Variants in NFASC observed in about 807,000 individuals in gnomAD.
NFASC encodes the protein neurofascin homolog.
NFASC carries 43 observed loss-of-function variants against 147.5 expected under a neutral mutation model. The observed-to-expected ratio is 0.29, with a 90% confidence interval of 0.23 to 0.38. The LOEUF (loss-of-function observed/expected upper bound fraction) is 0.38, where lower values mean the gene tolerates loss of function less well. Among genes scored for constraint, NFASC ranks in the 10% least tolerant of loss-of-function variants. NFASC has a pLI of 1.00. For synonymous variants in NFASC, 622 were observed against 665.5 expected, an observed-to-expected ratio of 0.93 and a Z score of 1.01; for missense variants, 1,320 against 1,689.0, an observed-to-expected ratio of 0.78 and a Z score of 3.83.
chr1:204,828,853 T>C (rs922577848), intron 1 of NFASC, 71 bp downstream of exon 1: 11 of 957,756 alleles, frequency 1.1e-5, no homozygotes, highest in Admixed American at 6.1e-5. Context: ...CACCCCCTTG[T>C]TCCCGCCCTC....
chr1:204,881,609 G>A (rs978221932), intron 1 of NFASC, among the ~76,000 whole-genome samples: 11 of 152,096 alleles, frequency 7.2e-5, no homozygotes, highest in African/African-American at 2.2e-4. Flanking sequence ...AAGCCCTGCC[G>A]TCAATGAGCT....
chr1:204,838,616 G>A (rs1461994254), intron 1 of NFASC, among the ~76,000 whole-genome samples: 1 of 152,208 alleles, frequency 6.6e-6, no homozygotes, highest in African/African-American at 2.4e-5. Flanking sequence ...GCGATGTAGT[G>A]TTTATGGCCC....
intron 1 of NFASC, among the ~76,000 whole-genome samples, chr1:204,845,665 G>A (rs529675434): frequency 1.3e-5 from 2 of 152,198 alleles, no homozygotes; most frequent in Non-Finnish European, 2.9e-5. Flanking sequence ...ACTTTGGGAG[G>A]ACCAGTCAGG....
chr1:204,944,472 G>GGGC, intron 3 of NFASC, 66 bp downstream of exon 3: 9 of 402,562 alleles, frequency 2.2e-5, no homozygotes, highest in Admixed American at 3.4e-5. Flanking sequence ...GGAGGGGAGG[G>GGGC]AAGGTCAGAG....
Position 204,977,569 on chromosome 1 carries a change from C to T in NFASC, c.1832-112C>T, listed in dbSNP as rs1030215372. 19 of 900,794 alleles carry T rather than the reference C, an allele frequency of 2.1e-5. No individual in the cohort carries two copies. The African/African-American group carries it at 2.6e-4, about 12-fold the overall frequency. 55.8% of individuals were successfully genotyped at this position (900,794 alleles called of 1,614,324 possible). On this transcript the variant is annotated intron_variant, in intron 16 of 29. Coordinates refer to ENST00000339876, the MANE Select transcript of NFASC (RefSeq NM_001005388.3). ...AGGACGGGGACAGCCCTGCCTAGAA[C>T]ACCTCAGCCCAGAGGCAGCTGTTTA... is the stretch of plus-strand genomic sequence containing the variant.
chr1:204,978,527 C>A (rs1052944666), intron 17 of NFASC, among the ~76,000 whole-genome samples: 3 of 152,186 alleles, frequency 2.0e-5, no homozygotes, highest in African/African-American at 7.2e-5. Flanking sequence ...CCCATCTCCT[C>A]AGAGCCTTGG....
rs2094930745 is a variant in NFASC, at chr1:204,966,039, T to G, written c.707-2210T>G. Among the ~76,000 whole-genome samples, 2 of 152,256 alleles carry G rather than the reference T, an allele frequency of 1.3e-5. 1 individual carries two copies. Among genetic ancestry groups the G allele is most frequent in the South Asian group, 4.1e-4 (2 of 4,838 alleles). Reference sequence around the variant, plus strand: ...TGCATGGTCCCTAGCAAACGTTCACTGAATGGTGGCCCTGATTATGACCTC... The same window carrying G: ...TGCATGGTCCCTAGCAAACGTTCACGGAATGGTGGCCCTGATTATGACCTC... On this transcript the variant is annotated intron_variant, in intron 8 of 29. Coordinates refer to ENST00000339876, the MANE Select transcript of NFASC (RefSeq NM_001005388.3).
intron 1 of NFASC, among the ~76,000 whole-genome samples, chr1:204,902,084 A>G (rs1369264922): frequency 6.6e-6 from 1 of 152,214 alleles, no homozygotes; most frequent in Non-Finnish European, 1.5e-5. Context: ...GCCTGAGCCT[A>G]GGAATTCGAG....
intron 24 of NFASC, among the ~76,000 whole-genome samples, chr1:204,993,192 C>T (rs1048962031): frequency 6.6e-6 from 1 of 152,208 alleles, no homozygotes; most frequent in Non-Finnish European, 1.5e-5. Flanking sequence ...CCAAACTGCC[C>T]TGTTCATCTC....
At chr1:204,923,798 A>T (rs1468966167) in intron 2 of NFASC, among the ~76,000 whole-genome samples, 2 of 152,106 alleles carry the variant, frequency 1.3e-5, no homozygotes, top group Non-Finnish European at 2.9e-5. Context: ...AGTGTGGGGT[A>T]CATGAGTGTC....
intron 2 of NFASC, among the ~76,000 whole-genome samples, chr1:204,939,050 G>A (rs987452384): frequency 1.5e-4 from 22 of 150,112 alleles, no homozygotes; most frequent in African/African-American, 2.7e-4. Context: ...GTGTGTGTGT[G>A]TGTGTGTGTG....
chr1:204,858,978 CTTTT>C (rs56763796), intron 1 of NFASC, among the ~76,000 whole-genome samples: 1 of 139,568 alleles, frequency 7.2e-6, no homozygotes, highest in Non-Finnish European at 1.5e-5. Flanking sequence ...AATGCACTGA[CTTTT>C]TTTTTTTTTT....
chr1:204,932,700 C>G (rs1000699599), intron 2 of NFASC, among the ~76,000 whole-genome samples: 1 of 152,174 alleles, frequency 6.6e-6, no homozygotes, highest in African/African-American at 2.4e-5. Flanking sequence ...AGGTAAAGTT[C>G]AGTAGTCGTG....
intron 24 of NFASC, among the ~76,000 whole-genome samples, chr1:204,995,093 C>T (rs1052451363): frequency 6.6e-6 from 1 of 152,142 alleles, no homozygotes; most frequent in Non-Finnish European, 1.5e-5. Flanking sequence ...ACACTCCAGC[C>T]TGGGTGACAG....
At chr1:204,879,304 G>A (rs1333752001) in intron 1 of NFASC, among the ~76,000 whole-genome samples, 2 of 148,892 alleles carry the variant, frequency 1.3e-5, no homozygotes, top group African/African-American at 2.4e-5. Flanking sequence ...CGTACTTTAT[G>A]GAAATGTGTA....
intron 1 of NFASC, among the ~76,000 whole-genome samples, chr1:204,891,616 T>C (rs907615161): frequency 1.3e-5 from 2 of 152,178 alleles, no homozygotes; most frequent in African/African-American, 4.8e-5. Flanking sequence ...CCTGTAAACA[T>C]GTGCCTGAGA....
intron 16 of NFASC, 26 bp downstream of exon 16, chr1:204,976,821 C>T: frequency 1.2e-6 from 2 of 1,604,048 alleles, no homozygotes; most frequent in Non-Finnish European, 8.5e-7. Flanking sequence ...CACCCTGGCA[C>T]TGACCAGCCC....
intron 1 of NFASC, among the ~76,000 whole-genome samples, chr1:204,907,662 G>A (rs2086292810): frequency 6.6e-6 from 1 of 152,160 alleles, no homozygotes; most frequent in African/African-American, 2.4e-5. Flanking sequence ...AGAGAGAATG[G>A]CTCAACTCCC....
At chr1:204,864,891 G>T (rs2076990829) in intron 1 of NFASC, among the ~76,000 whole-genome samples, 2 of 152,176 alleles carry the variant, frequency 1.3e-5, no homozygotes. Context: ...TCTGTAGGTT[G>T]TCTTTTCACT....
Sources: gnomAD v4.1 joint callset for allele counts (sites outside exome capture counted in the v4.1 genomes callset) on GRCh38, gnomAD v4.1.1 for gene constraint, MANE v1.5 for transcripts, NCBI Gene and HGNC (gene_info 2026-07-23, HGNC 2026-07-21) for gene names.